The following SV2C variants were observed in gnomAD, a reference collection of about 807,000 sequenced individuals.
The protein encoded by SV2C is solute carrier family 22 member B3.
Under a neutral mutation model 79.7 loss-of-function variants are expected in SV2C, and 49 were observed. The observed-to-expected ratio is 0.61, with a 90% CI of 0.49 to 0.78. SV2C has a LOEUF of 0.78. Among genes scored for constraint, SV2C ranks in the 30% least tolerant of loss-of-function variants. The pLI is 0.00. For missense variants in SV2C, 833 were observed against 912.9 expected (o/e 0.91, Z 1.13); for synonymous variants, 334 against 333.2 (o/e 1.00, Z -0.03).
chr5:76,253,650 A>G (rs10055247), intron 4 of SV2C, among the ~76,000 whole-genome samples: 65,603 of 148,722 alleles, frequency 0.44, 14,731 homozygotes, highest in Middle Eastern at 0.49. Context: ...ATTACTCAAC[A>G]CATCCAGCCG....
chr5:76,128,449 G>A (rs1748779865), intron 1 of SV2C, among the ~76,000 whole-genome samples: 1 of 152,204 alleles, frequency 6.6e-6, no homozygotes, highest in African/African-American at 2.4e-5. Context: ...CTAGGAAGAA[G>A]GCCACTGCAT....
chr5:76,045,174 T>C, the SV2C span, among the ~76,000 whole-genome samples: 3 of 152,232 alleles, frequency 2.0e-5, no homozygotes, highest in Admixed American at 6.5e-5. Flanking sequence ...TAGGGAATCC[T>C]TTCCCCATTG....
chr5:76,153,004 G>A (rs934980501), intron 2 of SV2C, among the ~76,000 whole-genome samples: 1 of 152,202 alleles, frequency 6.6e-6, no homozygotes, highest in African/African-American at 2.4e-5. Flanking sequence ...TGCTATATGG[G>A]AGTGGCACAC....
At chr5:76,204,314 C>T (rs1490024742) in intron 3 of SV2C, among the ~76,000 whole-genome samples, 1 of 152,104 alleles carries the variant, frequency 6.6e-6, no homozygotes, top group Non-Finnish European at 1.5e-5. Flanking sequence ...AATTGTGATT[C>T]CTGACATAGG....
chr5:76,172,488 C>T (rs200741803), intron 2 of SV2C, among the ~76,000 whole-genome samples: 2 of 80,664 alleles, frequency 2.5e-5, no homozygotes, highest in Non-Finnish European at 2.4e-5. Flanking sequence ...TCTGCCCGGC[C>T]GCCCCTACTG....
At chr5:76,135,544 C>T (rs2112195766) in intron 2 of SV2C, among the ~76,000 whole-genome samples, 1 of 152,278 alleles carries the variant, frequency 6.6e-6, no homozygotes, top group African/African-American at 2.4e-5. Flanking sequence ...CTTTCAGGCG[C>T]CGCAGTCTTG....
In SV2C at chr5:76,278,672, A is replaced by G. The variant is rs542696790; in HGVS notation, c.914-6490A>G. Among the ~76,000 whole-genome samples, 390 of 152,354 alleles carry G rather than the reference A, an allele frequency of 2.6e-3. 3 individuals are homozygous for G. The highest frequency in any genetic ancestry group is 8.9e-3 in the African/African-American group (369 of 41,574). On this transcript the variant is annotated intron_variant, in intron 4 of 12. Coordinates refer to ENST00000502798, the MANE Select transcript of SV2C (RefSeq NM_014979.4). ...TGTTCAGAGAACTGGAAGCAGGTCC[A>G]TGGGACTGGCTCAAGCCAGTTAGAG... is the stretch of plus-strand genomic sequence containing the variant.
the SV2C span, among the ~76,000 whole-genome samples, chr5:75,956,725 A>T: frequency 1.3e-5 from 2 of 151,868 alleles, no homozygotes; most frequent in Non-Finnish European, 2.9e-5. Flanking sequence ...CTAACAACAG[A>T]AATGTTGATA....
At chr5:76,109,458 T>C (rs140272532) in intron 1 of SV2C, among the ~76,000 whole-genome samples, 10 of 152,354 alleles carry the variant, frequency 6.6e-5, no homozygotes, top group Middle Eastern at 3.4e-3. Context: ...TCATTTCATA[T>C]ACAGTCAGTT....
At chr5:76,279,390 C>T (rs1038626079) in intron 4 of SV2C, among the ~76,000 whole-genome samples, 1 of 152,060 alleles carries the variant, frequency 6.6e-6, no homozygotes, top group Non-Finnish European at 1.5e-5. Flanking sequence ...GACTAATGAC[C>T]AAGATTTGGA....
At chr5:76,161,512 T>G (rs1742898088) in intron 2 of SV2C, among the ~76,000 whole-genome samples, 1 of 152,054 alleles carries the variant, frequency 6.6e-6, no homozygotes, top group South Asian at 2.1e-4. Flanking sequence ...TCTTTTTTAT[T>G]TTTGTAGAGA....
chr5:76,102,475 G>T (rs77651845), intron 1 of SV2C, among the ~76,000 whole-genome samples: 3,677 of 152,240 alleles, frequency 0.024, 155 homozygotes, highest in African/African-American at 0.083. Flanking sequence ...ATTACTCTAT[G>T]TTGTGAATGC....
At chr5:76,231,274 T>C (rs1013860879) in intron 4 of SV2C, among the ~76,000 whole-genome samples, 10 of 152,214 alleles carry the variant, frequency 6.6e-5, no homozygotes, top group African/African-American at 2.4e-4. Flanking sequence ...GATGGATTTA[T>C]TAGTTAGTTT....
At chr5:75,982,914 G>A in the SV2C span, among the ~76,000 whole-genome samples, 2 of 152,194 alleles carry the variant, frequency 1.3e-5, no homozygotes, top group Non-Finnish European at 2.9e-5. Flanking sequence ...GCTGAATGAT[G>A]AGAACACATG....
chr5:76,059,188 C>T, the SV2C span, among the ~76,000 whole-genome samples: 1 of 152,056 alleles, frequency 6.6e-6, no homozygotes, highest in East Asian at 1.9e-4. Flanking sequence ...ATGTTGATGG[C>T]TGCTGACCAC....
Position 76,117,360 on chromosome 5 carries a change from G to A in SV2C, c.-101-14290G>A, listed in dbSNP as rs558260940. ...CTAAACTTCACTGAGTTACATAAAC[G>A]AAAGCTTGAATAATAGATGTCTTTC... On this transcript the variant is annotated intron_variant, in intron 1 of 12. Transcript: ENST00000502798. Among the ~76,000 whole-genome samples, 6 of 152,240 alleles carry A rather than the reference G, an allele frequency of 3.9e-5. No homozygotes were observed. In the South Asian group the frequency reaches 1.0e-3, roughly 26 times the overall value.
chr5:76,173,687 T>C lies in SV2C; in HGVS notation c.581-21232T>C, dbSNP rs778223492. ...CTTCCCAGGCACTGGAGTTTTTCTG[T>C]TAATTTGCCGCACTAGGTCATAAAA... On this transcript the variant is annotated intron_variant, in intron 2 of 12. Transcript: ENST00000502798. 4 of 1,613,840 alleles carry C rather than the reference T, an allele frequency of 2.5e-6. No individual in the cohort carries two copies. The Admixed American group carries it at 6.7e-5, about 27-fold the overall frequency.
chr5:75,968,904 A>T, the SV2C span, among the ~76,000 whole-genome samples: 2 of 151,442 alleles, frequency 1.3e-5, no homozygotes, highest in African/African-American at 4.9e-5. Context: ...TGAAGGAAAA[A>T]ATGTTAACGG....
the SV2C span, among the ~76,000 whole-genome samples, chr5:75,892,171 C>G: frequency 6.6e-6 from 1 of 151,958 alleles, no homozygotes; most frequent in Admixed American, 6.6e-5. Context: ...CATTTCTTCC[C>G]TGGTATTGTG....
Sources: gnomAD v4.1 joint callset for allele counts (sites outside exome capture counted in the v4.1 genomes callset) on GRCh38, gnomAD v4.1.1 for gene constraint, MANE v1.5 for transcripts, NCBI Gene and HGNC (gene_info 2026-07-23, HGNC 2026-07-21) for gene names.